MAP7D1: variants seen among roughly 807,000 people sequenced by gnomAD.
MAP7D1 encodes the protein MAP7 domain containing 1, also known as MAP7 domain-containing protein 1.
Under a neutral mutation model 97.5 loss-of-function variants are expected in MAP7D1, and 30 were observed. The ratio of observed to expected loss-of-function variants is 0.31; its 90% CI spans 0.23 to 0.42. MAP7D1 has a LOEUF of 0.42. Ranked by LOEUF, MAP7D1 falls within the 10% of genes least tolerant of loss-of-function variation. The probability of loss-of-function intolerance (pLI) is 1.00; values close to 1 mark genes in which losing one functional copy is unlikely to be tolerated. For synonymous variants in MAP7D1, 536 were observed against 477.1 expected (o/e 1.12, Z -1.61); for missense variants, 1,184 against 1,179.5 (o/e 1.00, Z -0.06).
intron 12 of MAP7D1, 100 bp downstream of exon 12, chr1:36,179,125 G>A (rs550950189): frequency 6.7e-7 from 1 of 1,490,264 alleles, no homozygotes; most frequent in East Asian, 2.4e-5. Context: ...AAAGCGCTGG[G>A]GCAAATTCCA....
chr1:36,165,195 C>G (rs1190625713), intron 1 of MAP7D1, among the ~76,000 whole-genome samples: 1 of 152,190 alleles, frequency 6.6e-6, no homozygotes, highest in Non-Finnish European at 1.5e-5. Flanking sequence ...ATAATCATCG[C>G]TCACTGTAGC....
intron 2 of MAP7D1, 45 bp from the exon 3 acceptor site, chr1:36,171,468 T>C: frequency 1.9e-6 from 3 of 1,603,918 alleles, no homozygotes; most frequent in South Asian, 2.2e-5. Flanking sequence ...GACTCCTCTT[T>C]GGGGACAGCC....
At chr1:36,160,769 G>A (rs1382528186) in intron 1 of MAP7D1, among the ~76,000 whole-genome samples, 2 of 152,220 alleles carry the variant, frequency 1.3e-5, no homozygotes, top group Non-Finnish European at 2.9e-5. Context: ...CTTGGTCTTG[G>A]GGACCCCATA....
At chr1:36,162,077 G>C (rs1278824375) in intron 1 of MAP7D1, among the ~76,000 whole-genome samples, 2 of 151,988 alleles carry the variant, frequency 1.3e-5, no homozygotes, top group Non-Finnish European at 2.9e-5. Context: ...TCTGCAGTGA[G>C]GGCCAGGAGG....
chr1:36,168,671 C>T (rs1427029215), intron 1 of MAP7D1, among the ~76,000 whole-genome samples: 5 of 152,010 alleles, frequency 3.3e-5, no homozygotes, highest in Non-Finnish European at 7.4e-5. Context: ...GGGGCTCTTG[C>T]CTGGATCCTA....
At chr1:36,172,696 C>T (rs1318910931) in intron 4 of MAP7D1, 69 bp downstream of exon 4, 7 of 1,391,276 alleles carry the variant, frequency 5.0e-6, no homozygotes, top group Middle Eastern at 1.9e-4. Flanking sequence ...GCAGTGTGTA[C>T]ACACATCCAT....
Position 36,156,364 on chromosome 1 carries a change from GGCCGCC to G in MAP7D1, c.-39_-34del, listed in dbSNP as rs905194082. 29 of 1,445,526 alleles carry G rather than the reference GGCCGCC, an allele frequency of 2.0e-5. No individual in the cohort carries two copies. The highest frequency in any genetic ancestry group is 7.0e-5 in the Admixed American group (3 of 42,656). 89.5% of individuals were successfully genotyped at this position (1,445,526 alleles called of 1,614,324 possible). On this transcript the variant is annotated 5_prime_UTR_variant, in exon 1 of 17. Coordinates refer to ENST00000474796, the MANE Select transcript of MAP7D1 (RefSeq NM_001388490.1). ...CCGCGGGACCCCTGTCCTGGCCACT[GGCCGCC>G]GCCGCCGCCGCCGCTGAGACCCCGA...
In MAP7D1 at chr1:36,156,308, T is replaced by TCCCGG. The variant is rs975023593; in HGVS notation, c.-110_-109insCCCGG. 2.1e-6 allele frequency: 2 copies of TCCCGG among 937,166 alleles called. No individual in the cohort carries two copies. The highest frequency in any genetic ancestry group is 3.5e-5 in the African/African-American group (2 of 56,496). The allele number at this position is 937,166 out of a possible 1,614,324, so 58.1% of individuals were successfully genotyped here. A position where few individuals can be genotyped will look rare whatever the true frequency, so the allele number is the denominator to read the frequency against. ...GCGCCCCCGCCTCCGAGTCGCTACT[T>TCCCGG]GCCGGGCCGGGCCGGGCCGGGCGTG... On this transcript the variant is annotated 5_prime_UTR_variant, in exon 1 of 17. Coordinates refer to ENST00000474796, the MANE Select transcript of MAP7D1 (RefSeq NM_001388490.1).
chr1:36,172,358 C>T, intron 3 of MAP7D1, 106 bp from the exon 4 acceptor site: 1 of 1,177,410 alleles, frequency 8.5e-7, no homozygotes, highest in Non-Finnish European at 1.1e-6. Flanking sequence ...GGGAGAAAGA[C>T]CCACCCAGGG....
intron 1 of MAP7D1, among the ~76,000 whole-genome samples, chr1:36,164,436 T>C (rs1337429895): frequency 6.6e-6 from 1 of 152,206 alleles, no homozygotes; most frequent in Non-Finnish European, 1.5e-5. Flanking sequence ...AGGGAATTTA[T>C]CCTAATCAGA....
chr1:36,175,000 C>G lies in MAP7D1; in HGVS notation c.842C>G (p.Pro281Arg). Residue 281 changes from proline to arginine, a missense_variant, in exon 6 of 17, where the codon CCC (proline) becomes CGC (arginine). Transcript: ENST00000474796. ...TCCTCTGCCACGCTCTGGAACTCCCCCAGTAGAAGTAAGAGAAGGCCCAGC... is the reference window on the plus strand; with the variant it reads ...TCCTCTGCCACGCTCTGGAACTCCCGCAGTAGAAGTAAGAGAAGGCCCAGC... ...SKSSATLWNS[P>R]SRNRSLQLSA... 6.2e-7 allele frequency: 1 copy of G among 1,611,390 alleles called. No homozygotes were observed. Among genetic ancestry groups the G allele is most frequent in the Non-Finnish European group, 8.5e-7 (1 of 1,177,712 alleles).
rs1235023864 is a variant in MAP7D1, at chr1:36,180,789, C to G, written c.*531C>G. 2 of 167,892 alleles carry G rather than the reference C, an allele frequency of 1.2e-5. No individual in the cohort carries two copies. The highest frequency in any genetic ancestry group is 1.6e-4 in the East Asian group (1 of 6,188). 10.4% of individuals were successfully genotyped at this position (167,892 alleles called of 1,614,324 possible). A position where few individuals can be genotyped will look rare whatever the true frequency, so the allele number is the denominator to read the frequency against. ...GGGTACCCATGCCCCCTGCCCTCGC[C>G]TGGAATCAGTGTTACTGCATCTGAT... On this transcript the variant is annotated 3_prime_UTR_variant, in exon 17 of 17. Transcript: ENST00000474796.
chr1:36,157,545 C>G (rs1644353700), intron 1 of MAP7D1, among the ~76,000 whole-genome samples: 1 of 152,134 alleles, frequency 6.6e-6, no homozygotes, highest in South Asian at 2.1e-4. Context: ...GAGGCGATTT[C>G]TCTTTCTTCC....
chr1:36,172,370 A>C (rs1340217679), intron 3 of MAP7D1, 94 bp from the exon 4 acceptor site: 8 of 1,253,216 alleles, frequency 6.4e-6, no homozygotes, highest in Non-Finnish European at 7.3e-6. Context: ...CACCCAGGGC[A>C]TGGGTAGCAG....
At position 36,179,954 on chromosome 1, in the gene MAP7D1, C is replaced by T; in HGVS notation, c.2399C>T (p.Thr800Ile). The T allele has an allele frequency of 2.5e-6, 4 of 1,614,198 alleles. No individual in the cohort carries two copies. The highest frequency in any genetic ancestry group is 3.4e-6 in the Non-Finnish European group (4 of 1,180,016). Residue 800 changes from threonine (T) to isoleucine (I), a missense_variant, in exon 16 of 17, where the codon ACC (threonine) becomes ATC (isoleucine). Physicochemically the swap from Thr to Ile is moderately conservative, Grantham distance 89. Transcript: ENST00000474796. ...LPAHQENGFS[T>I]NGPSGDKSLS... Reference sequence around the variant, plus strand: ...GCACACCAGGAGAATGGCTTCTCCACCAACGGACCCTCTGGGGACAAGAGT... The same window carrying T: ...GCACACCAGGAGAATGGCTTCTCCATCAACGGACCCTCTGGGGACAAGAGT...
intron 13 of MAP7D1, 32 bp downstream of exon 13, chr1:36,179,347 G>T (rs762021084): frequency 6.2e-7 from 1 of 1,612,726 alleles, no homozygotes; most frequent in Non-Finnish European, 8.5e-7. Context: ...AGTGCTGGGC[G>T]TGGGGGGCAG....
At chr1:36,174,279 T>C (rs925995566) in intron 5 of MAP7D1, among the ~76,000 whole-genome samples, 1 of 152,228 alleles carries the variant, frequency 6.6e-6, no homozygotes, top group Non-Finnish European at 1.5e-5. Context: ...ACAAATGTCA[T>C]GATGAGGTTG....
At chr1:36,166,252 G>T (rs1306712397) in intron 1 of MAP7D1, among the ~76,000 whole-genome samples, 2 of 152,136 alleles carry the variant, frequency 1.3e-5, no homozygotes. Flanking sequence ...ACTGAGCAGG[G>T]GGAGAAGAGG....
intron 5 of MAP7D1, 137 bp downstream of exon 5, chr1:36,173,615 G>C: frequency 1.7e-6 from 1 of 605,146 alleles, no homozygotes; most frequent in Non-Finnish European, 2.9e-6. Flanking sequence ...GTGTCTTCTA[G>C]AATGGTCTGT....
Sources: gnomAD v4.1 joint callset for allele counts (sites outside exome capture counted in the v4.1 genomes callset) on GRCh38, gnomAD v4.1.1 for gene constraint, MANE v1.5 for transcripts, NCBI Gene and HGNC (gene_info 2026-07-23, HGNC 2026-07-21) for gene names.